Variants in CFAP47 observed in about 807,000 individuals in gnomAD.
CFAP47 encodes cilia- and flagella-associated protein 47.
CFAP47 carries 29 observed loss-of-function variants against 148.1 expected under a neutral mutation model. The ratio of observed to expected loss-of-function variants is 0.20; its 90% CI spans 0.15 to 0.27. CFAP47 has a LOEUF of 0.27. CFAP47 is among the 10% of genes least tolerant of loss of function. The probability of loss-of-function intolerance (pLI) is 1.00; values close to 1 mark genes in which losing one functional copy is unlikely to be tolerated. For synonymous variants in CFAP47, 664 were observed against 577.3 expected (o/e 1.15, Z -2.15); for missense variants, 1,872 against 1,697.5 (o/e 1.10, Z -1.81).
At chrX:36,242,313 T>C (rs6632531) in intron 48 of CFAP47, among the ~76,000 whole-genome samples, 13,996 of 111,422 alleles carry the variant, frequency 0.13, 698 homozygotes, top group East Asian at 0.26. Flanking sequence ...GAATGGTTCT[T>C]AACCAGACTG....
intron 60 of CFAP47, among the ~76,000 whole-genome samples, chrX:36,358,733 A>G (rs1556018792): frequency 3.6e-5 from 4 of 111,481 alleles, no homozygotes; most frequent in South Asian, 3.8e-4. Flanking sequence ...CTCTGCCCTC[A>G]TAAGTTCTTT....
At chrX:36,195,407 G>A (rs1175419447) in intron 42 of CFAP47, among the ~76,000 whole-genome samples, 6 of 112,187 alleles carry the variant, frequency 5.3e-5, no homozygotes, top group African/African-American at 1.9e-4. Context: ...TAGAAAATGG[G>A]TTGGATGGAT....
chrX:35,971,397 C>G (rs1936488216), intron 11 of CFAP47, among the ~76,000 whole-genome samples, 189 bp from the exon 12 acceptor site: 1 of 111,272 alleles, frequency 9.0e-6, no homozygotes, highest in Non-Finnish European at 1.9e-5. Flanking sequence ...ATAATTTCCT[C>G]GATGAGATGT....
chrX:36,102,881 A>G (rs1304151268), intron 32 of CFAP47, among the ~76,000 whole-genome samples: 1 of 112,039 alleles, frequency 8.9e-6, no homozygotes, highest in East Asian at 2.8e-4. Context: ...TTAAACATCT[A>G]TACAAAATGC....
chrX:35,924,552 T>C (rs1456076405), intron 1 of CFAP47, among the ~76,000 whole-genome samples: 6 of 100,675 alleles, frequency 6.0e-5, no homozygotes, highest in African/African-American at 2.5e-4. Context: ...CCTATATGTG[T>C]ATATATGCGC....
chrX:36,236,716 G>A lies in CFAP47; in HGVS notation c.7189G>A (p.Gly2397Ser), dbSNP rs1204245700. The change falls in exon 48 of 64, where the codon GGT (glycine) becomes AGT (serine). Residue 2397 changes from glycine to serine, a missense_variant. Gly to Ser is a moderately conservative substitution (Grantham distance 56). Transcript: ENST00000378653. ...ACTTATTCTACAAAATGAAGTAGAT[G>A]GTAGGGAGCACATCTTTGACATAAA... is the stretch of plus-strand genomic sequence containing the variant. ...GKLILQNEVD[G>S]REHIFDIKGV... 3 of 523,640 alleles carry A rather than the reference G, an allele frequency of 5.7e-6. No homozygotes were observed. The highest frequency in any genetic ancestry group is 7.0e-6 in the Non-Finnish European group (2 of 286,509). 43.2% of individuals were successfully genotyped at this position (523,640 alleles called of 1,213,427 possible). A position where few individuals can be genotyped will look rare whatever the true frequency, so the allele number is the denominator to read the frequency against.
At chrX:36,042,528 ACTT>A (rs1236866921) in intron 25 of CFAP47, among the ~76,000 whole-genome samples, 15 of 110,768 alleles carry the variant, frequency 1.4e-4, no homozygotes, top group African/African-American at 4.2e-4. Flanking sequence ...TTAAATTACT[ACTT>A]ATAATAACAT....
At chrX:36,287,060 T>C (rs1941141039) in intron 51 of CFAP47, among the ~76,000 whole-genome samples, 1 of 111,116 alleles carries the variant, frequency 9.0e-6, no homozygotes, top group Non-Finnish European at 1.9e-5. Flanking sequence ...CAGGGTACTT[T>C]ATGTGCATAT....
At chrX:36,222,751 C>T (rs868934540) in intron 45 of CFAP47, among the ~76,000 whole-genome samples, 5 of 109,983 alleles carry the variant, frequency 4.5e-5, no homozygotes, top group Non-Finnish European at 5.7e-5. Context: ...CAGTTTTTAG[C>T]GCAAAATCAC....
At chrX:36,058,846 T>C (rs1336080650) in intron 26 of CFAP47, among the ~76,000 whole-genome samples, 1 of 112,143 alleles carries the variant, frequency 8.9e-6, no homozygotes, top group Non-Finnish European at 1.9e-5. Context: ...TAATTTCCTA[T>C]GGTCATTTCA....
chrX:36,147,796 C>G (rs777763892), intron 36 of CFAP47, among the ~76,000 whole-genome samples: 1 of 112,386 alleles, frequency 8.9e-6, no homozygotes, highest in Admixed American at 9.4e-5. Context: ...TTCCTTATGA[C>G]TCACTATAAC....
chrX:36,371,521 GTGTGTATATATATGTGTATACATA>G (rs1262349841), intron 62 of CFAP47, among the ~76,000 whole-genome samples: 3 of 98,695 alleles, frequency 3.0e-5, no homozygotes, highest in Non-Finnish European at 6.2e-5. Context: ...GTATATATAT[GTGTGTATATATATGTGTATACATA>G]TGTGTATATA....
At chrX:36,334,490 A>G (rs1569320059) in intron 57 of CFAP47, among the ~76,000 whole-genome samples, 1 of 111,644 alleles carries the variant, frequency 9.0e-6, no homozygotes, top group Non-Finnish European at 1.9e-5. Flanking sequence ...TTAAAAATTA[A>G]TGCTTATCCT....
At chrX:36,153,631 C>A (rs887501429) in intron 37 of CFAP47, among the ~76,000 whole-genome samples, 4 of 112,349 alleles carry the variant, frequency 3.6e-5, no homozygotes, top group Non-Finnish European at 7.5e-5. Context: ...TAACTGAACC[C>A]CAAGACTCTC....
intron 48 of CFAP47, among the ~76,000 whole-genome samples, chrX:36,237,479 G>T (rs1018047767): frequency 2.7e-5 from 3 of 111,254 alleles, no homozygotes; most frequent in Non-Finnish European, 5.7e-5. Context: ...ATAGGCATGT[G>T]CCACCACGCC....
Position 36,236,076 on chromosome X carries a change from C to T in CFAP47, c.7157C>T (p.Thr2386Met), listed in dbSNP as rs782629885. 2.1e-4 allele frequency: 100 copies of T among 473,483 alleles called. No individual in the cohort carries two copies. The highest frequency in any genetic ancestry group is 4.9e-4 in the South Asian group (14 of 28,720). The allele number at this position is 473,483 out of a possible 1,213,427, so 39.0% of individuals were successfully genotyped here. The change falls in exon 47 of 64, where the codon ACG (threonine) becomes ATG (methionine). Residue 2386 changes from threonine to methionine, a missense_variant and splice_region_variant. Physicochemically the swap from Thr to Met is moderately conservative, Grantham distance 81 (BLOSUM62 -1). Coordinates refer to ENST00000378653, the MANE Select transcript of CFAP47 (RefSeq NM_001304548.2). ...AAACCTATTTTTGAATGTGTCATTA[C>T]GGTATGAACTCCTTGATATTTTCCC... ...TFKPIFECVI[T>M]GKLILQNEVD...
intron 2 of CFAP47, among the ~76,000 whole-genome samples, chrX:35,935,944 T>A (rs1382766385): frequency 8.9e-6 from 1 of 111,891 alleles, no homozygotes; most frequent in Non-Finnish European, 1.9e-5. Context: ...TTTGTTTTTA[T>A]CTTTTGTTTT....
chrX:36,264,509 G>C (rs1409944418), intron 49 of CFAP47, among the ~76,000 whole-genome samples: 1 of 111,461 alleles, frequency 9.0e-6, no homozygotes, highest in Non-Finnish European at 1.9e-5. Flanking sequence ...GCTGATTTTG[G>C]TCTGGTTTTC....
At chrX:35,939,255 T>C (rs1320477229) in intron 2 of CFAP47, among the ~76,000 whole-genome samples, 1 of 110,851 alleles carries the variant, frequency 9.0e-6, no homozygotes, top group East Asian at 2.8e-4. Context: ...TTTCTAGAGA[T>C]TCCTTATACT....
Sources: allele counts gnomAD v4.1 joint callset (sites outside exome capture counted in the v4.1 genomes callset), GRCh38; gene constraint gnomAD v4.1.1; transcripts MANE v1.5; gene names NCBI Gene and HGNC (gene_info 2026-07-23, HGNC 2026-07-21).